Variants in TSHZ2 observed in about 807,000 individuals in gnomAD.
The protein encoded by TSHZ2 is teashirt zinc finger homeobox 2, also known as teashirt homolog 2.
A neutral mutation model predicts 74.4 loss-of-function variants in TSHZ2; 21 were observed. That is an observed-to-expected ratio of 0.28 (90% CI 0.20 to 0.41). TSHZ2 has a LOEUF of 0.41. Among genes scored for constraint, TSHZ2 ranks in the 10% least tolerant of loss-of-function variants. The probability of loss-of-function intolerance (pLI) is 1.00; values close to 1 mark genes in which losing one functional copy is unlikely to be tolerated. For missense variants in TSHZ2, 1,244 were observed against 1,293.5 expected, an observed-to-expected ratio of 0.96 and a Z score of 0.59; for synonymous variants, 540 against 515.3, an observed-to-expected ratio of 1.05 and a Z score of -0.65.
At chr20:53,402,893 C>A (rs1300590545) in intron 2 of TSHZ2, among the ~76,000 whole-genome samples, 1 of 152,162 alleles carries the variant, frequency 6.6e-6, no homozygotes, top group Non-Finnish European at 1.5e-5. Flanking sequence ...GTTCTCCTAC[C>A]CACCACACTG....
In TSHZ2 at chr20:53,156,303, T is replaced by C. The variant is rs577390571; in HGVS notation, c.41-97196T>C. 1.2e-3 allele frequency among the ~76,000 whole-genome samples: 187 copies of C among 152,324 alleles called. 1 individual carries two copies. The highest frequency in any genetic ancestry group is 2.3e-3 in the Non-Finnish European group (156 of 68,040). On this transcript the variant is annotated intron_variant, in intron 1 of 2. Transcript: ENST00000371497. ...ATGTCTCTGTGGAAGAAAAGAATCTTCCTACACTTATATACACAAAATGAT... is the reference window on the plus strand; with the variant it reads ...ATGTCTCTGTGGAAGAAAAGAATCTCCCTACACTTATATACACAAAATGAT...
chr20:53,410,713 T>C (rs1983026812), intron 2 of TSHZ2, among the ~76,000 whole-genome samples: 1 of 150,870 alleles, frequency 6.6e-6, no homozygotes, highest in Non-Finnish European at 1.5e-5. Flanking sequence ...TCTCGCTCTG[T>C]CACCCAGGTT....
rs576600155 is a variant in TSHZ2, at chr20:53,002,163, C to T, written c.40+28830C>T. ...GTGAATTTTTGCATTTTAATTCTCA[C>T]CCCAGTAAAGAGACATAATGGTATC... On this transcript the variant is annotated intron_variant, in intron 1 of 2. Coordinates refer to ENST00000371497, the MANE Select transcript of TSHZ2 (RefSeq NM_173485.6). Among the ~76,000 whole-genome samples the T allele has an allele frequency of 3.3e-5, 5 of 152,216 alleles. No individual in the cohort carries two copies. The East Asian group carries it at 7.7e-4, about 23-fold the overall frequency.
At chr20:53,118,026 T>C (rs1986716313) in intron 1 of TSHZ2, among the ~76,000 whole-genome samples, 1 of 152,210 alleles carries the variant, frequency 6.6e-6, no homozygotes, top group African/African-American at 2.4e-5. Flanking sequence ...TTCTTATCAC[T>C]CAGGAGAATT....
intron 1 of TSHZ2, among the ~76,000 whole-genome samples, chr20:53,213,476 A>G (rs1361335505): frequency 6.6e-6 from 1 of 152,164 alleles, no homozygotes; most frequent in African/African-American, 2.4e-5. Context: ...GATTAAACCC[A>G]CAGCAAAAAG....
At chr20:53,415,180 T>C (rs533994497) in intron 2 of TSHZ2, among the ~76,000 whole-genome samples, 21 of 152,334 alleles carry the variant, frequency 1.4e-4, no homozygotes, top group African/African-American at 4.6e-4. Context: ...TACTCCATTA[T>C]TGAAAACCCT....
At chr20:53,238,583 C>T (rs925462301) in intron 1 of TSHZ2, among the ~76,000 whole-genome samples, 1 of 152,064 alleles carries the variant, frequency 6.6e-6, no homozygotes, top group African/African-American at 2.4e-5. Context: ...ATGTTCATTT[C>T]ACCTCCCTGC....
intron 2 of TSHZ2, among the ~76,000 whole-genome samples, chr20:53,329,702 G>T (rs1979642081): frequency 6.6e-6 from 1 of 152,166 alleles, no homozygotes; most frequent in Non-Finnish European, 1.5e-5. Flanking sequence ...AAATCTGGAA[G>T]ATATTCTAGG....
At chr20:53,448,089 A>G (rs1984628445) in intron 2 of TSHZ2, among the ~76,000 whole-genome samples, 1 of 151,538 alleles carries the variant, frequency 6.6e-6, no homozygotes, top group Non-Finnish European at 1.5e-5. Context: ...ACTTTTTTGT[A>G]TTTTTAGTAG....
At chr20:53,355,857 T>C (rs1293747270) in intron 2 of TSHZ2, among the ~76,000 whole-genome samples, 1 of 152,202 alleles carries the variant, frequency 6.6e-6, no homozygotes, top group Non-Finnish European at 1.5e-5. Context: ...TGAACTGACA[T>C]AGGACTTATG....
At chr20:53,210,424 G>A (rs961981470) in intron 1 of TSHZ2, among the ~76,000 whole-genome samples, 1 of 152,086 alleles carries the variant, frequency 6.6e-6, no homozygotes, top group Non-Finnish European at 1.5e-5. Flanking sequence ...GAGTTGGGAG[G>A]GGGATGGAGT....
intron 1 of TSHZ2, among the ~76,000 whole-genome samples, chr20:52,985,453 T>A (rs908316272): frequency 6.6e-6 from 1 of 152,204 alleles, no homozygotes; most frequent in African/African-American, 2.4e-5. Flanking sequence ...AATAATCCTC[T>A]CCATGCCTTG....
intron 1 of TSHZ2, among the ~76,000 whole-genome samples, chr20:53,203,198 T>A (rs1389593568): frequency 6.6e-6 from 1 of 150,606 alleles, no homozygotes; most frequent in African/African-American, 2.4e-5. Context: ...CAAATTTTTT[T>A]TTTTTTTTTT....
At chr20:53,204,104 AT>A (rs1568810797) in intron 1 of TSHZ2, among the ~76,000 whole-genome samples, 6 of 1,382 alleles carry the variant, frequency 4.3e-3, no homozygotes, top group African/African-American at 0.012. Context: ...TGATGATATG[AT>A]ATACTATATC....
intron 1 of TSHZ2, among the ~76,000 whole-genome samples, chr20:53,233,899 A>AT (rs1447548104): frequency 1.3e-5 from 2 of 152,166 alleles, no homozygotes; most frequent in East Asian, 3.8e-4. Context: ...CATGCTTTGG[A>AT]TTTTCTTCCA....
At chr20:53,421,365 G>C (rs936385267) in intron 2 of TSHZ2, 2 of 170,256 alleles carry the variant, frequency 1.2e-5, no homozygotes, top group Non-Finnish European at 2.7e-5. Context: ...ATGTACCTGA[G>C]TGGTGACTTC....
At chr20:53,265,713 G>C (rs1456174138) in intron 2 of TSHZ2, among the ~76,000 whole-genome samples, 1 of 152,176 alleles carries the variant, frequency 6.6e-6, no homozygotes, top group Non-Finnish European at 1.5e-5. Flanking sequence ...GATGGTTTTT[G>C]TTCACTTCTT....
chr20:53,183,080 G>T (rs1434697513), intron 1 of TSHZ2, among the ~76,000 whole-genome samples: 2 of 152,154 alleles, frequency 1.3e-5, no homozygotes, highest in African/African-American at 4.8e-5. Context: ...ATTACCCAAA[G>T]AACAGTGTGT....
chr20:53,384,096 C>T (rs1981959546), intron 2 of TSHZ2, among the ~76,000 whole-genome samples: 1 of 152,226 alleles, frequency 6.6e-6, no homozygotes, highest in African/African-American at 2.4e-5. Context: ...CCCCCAGAGA[C>T]AAAAATGCAA....
Sources: gnomAD v4.1 joint callset for allele counts (sites outside exome capture counted in the v4.1 genomes callset) on GRCh38, gnomAD v4.1.1 for gene constraint, MANE v1.5 for transcripts, NCBI Gene and HGNC (gene_info 2026-07-23, HGNC 2026-07-21) for gene names.